RIF1: variants seen among roughly 807,000 people sequenced by gnomAD.
The protein encoded by RIF1 is telomere-associated protein RIF1.
In RIF1, 45 loss-of-function variants were observed where a neutral mutation model predicts 247.1. The ratio of observed to expected loss-of-function variants is 0.18; its 90% confidence interval spans 0.14 to 0.23. The LOEUF is 0.23. RIF1 is among the 10% of genes least tolerant of loss of function. The pLI is 1.00. For synonymous variants in RIF1, 1,087 were observed against 978.8 expected (o/e 1.11, Z -2.06); for missense variants, 2,967 against 2,862.5 (o/e 1.04, Z -0.83).
intron 20 of RIF1, among the ~76,000 whole-genome samples, chr2:151,449,405 C>T (rs1378075839): frequency 6.6e-6 from 1 of 152,044 alleles, no homozygotes; most frequent in Non-Finnish European, 1.5e-5. Flanking sequence ...AAAGGAATGC[C>T]ATATCTACAG....
chr2:151,533,178 G>A, the RIF1 span, among the ~76,000 whole-genome samples: 1 of 152,142 alleles, frequency 6.6e-6, no homozygotes, highest in Non-Finnish European at 1.5e-5. Flanking sequence ...ATAAATTAAT[G>A]TTATACCACT....
chr2:151,412,611 C>T (rs1164053119), intron 3 of RIF1, among the ~76,000 whole-genome samples: 1 of 152,108 alleles, frequency 6.6e-6, no homozygotes, highest in Non-Finnish European at 1.5e-5. Context: ...CCTCAGCCTC[C>T]TGAGTAGCTG....
At chr2:151,503,205 C>T in intron 12 of RIF1, 1 of 632,602 alleles carries the variant, frequency 1.6e-6, no homozygotes, top group South Asian at 2.0e-5. Context: ...TTTGTATTAA[C>T]ATAATTTTGG....
chr2:151,415,210 C>T (rs1382225587), intron 4 of RIF1, among the ~76,000 whole-genome samples: 1 of 151,566 alleles, frequency 6.6e-6, no homozygotes, highest in Non-Finnish European at 1.5e-5. Context: ...AGCCGGGCAC[C>T]GTGGCGGGCG....
chr2:151,499,427 G>GCAGT, exon 11 of RIF1: 1 of 1,272,346 alleles, frequency 7.9e-7, no homozygotes, highest in African/African-American at 1.5e-5. Flanking sequence ...AAAAACAAGA[G>GCAGT]CAGTCAAAAC....
At position 151,476,169 on chromosome 2, in the gene RIF1, A is replaced by G. The variant is rs892490391; in HGVS notation, c.*1098A>G. 4 of 152,134 alleles carry G rather than the reference A, an allele frequency of 2.6e-5. No individual in the cohort carries two copies. Among genetic ancestry groups the G allele is most frequent in the Admixed American group, 6.5e-5 (1 of 15,276 alleles). 9.4% of individuals were successfully genotyped at this position (152,134 alleles called of 1,614,324 possible). ...AAAGTGTGCCTCCTTAAGATTTCTTAAAGGAAAGTTAGTTTCAGTATTTCA... is the reference window on the plus strand; with the variant it reads ...AAAGTGTGCCTCCTTAAGATTTCTTGAAGGAAAGTTAGTTTCAGTATTTCA... On this transcript the variant is annotated 3_prime_UTR_variant, in exon 36 of 36. Transcript: ENST00000444746.
At position 151,477,410 on chromosome 2, in the gene RIF1, A is replaced by G. The variant is rs1446272356; in HGVS notation, c.*2339A>G. ...AAAACTAGTGGCATACAGGATTGTC[A>G]TGTAGTATCTTTTTTTTTTTTTGAG... is the stretch of plus-strand genomic sequence containing the variant. On this transcript the variant is annotated 3_prime_UTR_variant, in exon 36 of 36. Coordinates refer to ENST00000444746, the MANE Select transcript of RIF1 (RefSeq NM_018151.5). 6.6e-6 allele frequency: 1 copy of G among 151,926 alleles called. No individual in the cohort carries two copies. The highest frequency in any genetic ancestry group is 1.5e-5 in the Non-Finnish European group (1 of 67,968). 9.4% of individuals were successfully genotyped at this position (151,926 alleles called of 1,614,324 possible). A position where few individuals can be genotyped will look rare whatever the true frequency, so the allele number is the denominator to read the frequency against.
chr2:151,436,379 A>C (rs1402025070), intron 11 of RIF1, among the ~76,000 whole-genome samples: 42 of 152,018 alleles, frequency 2.8e-4, no homozygotes, highest in Non-Finnish European at 2.9e-5. Flanking sequence ...TCTCTACAAA[A>C]AATTTAAAAA....
the RIF1 span, chr2:151,527,484 G>A: frequency 6.2e-6 from 10 of 1,610,640 alleles, no homozygotes; most frequent in African/African-American, 2.7e-5. Flanking sequence ...GTCTTACATC[G>A]CTTTGCTGCA....
chr2:151,473,247 A>C (rs548984476), intron 34 of RIF1, among the ~76,000 whole-genome samples: 1 of 151,032 alleles, frequency 6.6e-6, no homozygotes, highest in Non-Finnish European at 1.5e-5. Flanking sequence ...GTATTTTCTC[A>C]ATCAGTGGTC....
intron 4 of RIF1, among the ~76,000 whole-genome samples, chr2:151,415,709 A>G (rs934268289): frequency 2.0e-5 from 3 of 151,852 alleles, no homozygotes; most frequent in African/African-American, 7.3e-5. Flanking sequence ...CCCCGTCTCT[A>G]CTAAAAATAC....
downstream of RIF1, among the ~76,000 whole-genome samples, chr2:151,509,327 A>AAAAC (rs74954359): frequency 0.27 from 40,917 of 152,042 alleles, 6,218 homozygotes; most frequent in Admixed American, 0.4. Flanking sequence ...AGATGTAAGG[A>AAAAC]AAACAGTTCT....
chr2:151,512,723 A>ATG (rs2075465818), downstream of RIF1: 1 of 1,597,448 alleles, frequency 6.3e-7, no homozygotes, highest in African/African-American at 1.3e-5. Flanking sequence ...GGCATGACGA[A>ATG]TGTCCTTACC....
chr2:151,439,972 C>CAAAAAAAAA lies in RIF1; in HGVS notation c.1547-40_1547-32dup, dbSNP rs1165450117. 2,025 of 276,270 alleles carry CAAAAAAAAA rather than the reference C, an allele frequency of 7.3e-3. 68 individuals carry two copies. Among genetic ancestry groups the CAAAAAAAAA allele is most frequent in the Non-Finnish European group, 0.01 (1,634 of 162,202 alleles). 17.1% of individuals were successfully genotyped at this position (276,270 alleles called of 1,614,324 possible). On this transcript the variant is annotated intron_variant, in intron 14 of 35. Coordinates refer to ENST00000444746, the MANE Select transcript of RIF1 (RefSeq NM_018151.5). The stretch of plus-strand genomic sequence containing the variant: ...TGGGTGACAGAGCAAGACCCTGTCT[C>CAAAAAAAAA]AAAAAAAAAAAAAAAAAAAAAAAGA...
At chr2:151,447,100 C>T (rs972794190) in intron 20 of RIF1, among the ~76,000 whole-genome samples, 2 of 151,862 alleles carry the variant, frequency 1.3e-5, no homozygotes, top group East Asian at 1.9e-4. Flanking sequence ...CCCGCCACCA[C>T]GCCCGGCTAA....
intron 20 of RIF1, among the ~76,000 whole-genome samples, chr2:151,449,577 G>C (rs982364655): frequency 6.6e-6 from 1 of 152,076 alleles, no homozygotes; most frequent in Non-Finnish European, 1.5e-5. Context: ...TCAACCTCCC[G>C]AGTGGGTTGG....
chr2:151,491,514 TAGAAAGTA>T, intron 9 of RIF1: 1 of 570,928 alleles, frequency 1.8e-6, no homozygotes, highest in Non-Finnish European at 3.1e-6. Flanking sequence ...TGAACTTATC[TAGAAAGTA>T]AGTTTTGCTC....
rs559630755 is a variant in RIF1, at chr2:151,436,225, C to T, written c.1196-602C>T. ...TGGGCGACAGAGTGAGACTCAGTCT[C>T]AAAAAAAACAAAATAAAACAAAAAC... On this transcript the variant is annotated intron_variant, in intron 11 of 35. Transcript: ENST00000444746. 2.3e-4 allele frequency among the ~76,000 whole-genome samples: 34 copies of T among 150,758 alleles called. 1 individual carries two copies. In the East Asian group the frequency reaches 6.7e-3, roughly 30 times the overall value.
chr2:151,431,403 C>G (rs546722839), intron 9 of RIF1, among the ~76,000 whole-genome samples: 1 of 152,302 alleles, frequency 6.6e-6, no homozygotes, highest in South Asian at 2.1e-4. Flanking sequence ...CATCACTGTC[C>G]TGTGTAAAAT....
Sources: gnomAD v4.1 joint callset for allele counts (sites outside exome capture counted in the v4.1 genomes callset) on GRCh38, gnomAD v4.1.1 for gene constraint, MANE v1.5 for transcripts, NCBI Gene and HGNC (gene_info 2026-07-23, HGNC 2026-07-21) for gene names.